Variants in GUSB observed in about 807,000 individuals in gnomAD.
The protein encoded by GUSB is beta-glucuronidase.
GUSB carries 51 observed loss-of-function variants against 74.6 expected under a neutral mutation model. That is an observed-to-expected ratio of 0.68 (90% CI 0.55 to 0.86). The LOEUF (loss-of-function observed/expected upper bound fraction) is 0.86, where lower values mean the gene tolerates loss of function less well. Among genes scored for constraint, GUSB ranks in the 40% least tolerant of loss-of-function variants. GUSB has a pLI of 0.00. For missense variants in GUSB, 736 were observed against 853.7 expected (o/e 0.86, Z 1.72); for synonymous variants, 360 against 348.3 (o/e 1.03, Z -0.37).
chr7:65,964,262 G>A lies in GUSB; in HGVS notation c.1789+61C>T, dbSNP rs529250251. On this transcript the variant is annotated intron_variant, in intron 11 of 11. Coordinates refer to ENST00000304895, the MANE Select transcript of GUSB (RefSeq NM_000181.4). ...CTTACAATTGAAATGGCCAGAATTG[G>A]AAAGGCAACCTGAAAAAATGAGGAC... The A allele has an allele frequency of 2.2e-4, 325 of 1,449,940 alleles. 1 individual carries two copies. The Middle Eastern group carries it at 4.6e-3, about 21-fold the overall frequency. The allele number at this position is 1,449,940 out of a possible 1,614,324, so 89.8% of individuals were successfully genotyped here.
At chr7:65,965,666 A>G (rs1056141258) in intron 10 of GUSB, among the ~76,000 whole-genome samples, 3 of 152,150 alleles carry the variant, frequency 2.0e-5, no homozygotes, top group Admixed American at 2.0e-4. Flanking sequence ...AGTGGCTTGG[A>G]CTACAAGCAC....
At chr7:65,970,428 C>CA in intron 8 of GUSB, 62 bp from the exon 9 acceptor site, 1 of 1,035,926 alleles carries the variant, frequency 9.7e-7, no homozygotes, top group Non-Finnish European at 1.5e-6. Context: ...GACACCCTCC[C>CA]ATCCTCTCTG....
At chr7:65,962,683 A>G (rs1434670021) in intron 11 of GUSB, among the ~76,000 whole-genome samples, 1 of 151,460 alleles carries the variant, frequency 6.6e-6, no homozygotes, top group Non-Finnish European at 1.5e-5. Flanking sequence ...GCCCAGCCTG[A>G]CCAACATGGA....
intron 8 of GUSB, among the ~76,000 whole-genome samples, chr7:65,971,732 C>T (rs1056256512): frequency 2.7e-5 from 4 of 148,064 alleles, no homozygotes; most frequent in Admixed American, 6.8e-5. Flanking sequence ...CTCCATCTTG[C>T]GGAAAAAAAA....
At position 65,964,474 on chromosome 7, in the gene GUSB, A is replaced by G. The variant is rs765052220; in HGVS notation, c.1654-16T>C. The G allele has an allele frequency of 6.2e-7, 1 of 1,608,694 alleles. No individual in the cohort carries two copies. The highest frequency in any genetic ancestry group is 1.1e-5 in the South Asian group (1 of 90,912). ...GAGGTGGATCCTAGGATTCAAGGCA[A>G]AGAGAATGTAAGAGTCAGAACTGGC... is the stretch of plus-strand genomic sequence containing the variant. On this transcript the variant is annotated splice_polypyrimidine_tract_variant and intron_variant, in intron 10 of 11. Coordinates refer to ENST00000304895, the MANE Select transcript of GUSB (RefSeq NM_000181.4).
intron 9 of GUSB, 108 bp from the exon 10 acceptor site, chr7:65,968,015 C>A (rs973434420): frequency 1.1e-6 from 1 of 919,418 alleles, no homozygotes; most frequent in African/African-American, 1.6e-5. Context: ...GATGTAATCC[C>A]AGCACTCTGG....
Position 65,980,341 on chromosome 7 carries a change from C to T in GUSB, c.279G>A (p.Arg93=), listed in dbSNP as rs2116042412. Residue 93 remains arginine, a synonymous_variant, in exon 2 of 12, where the codon CGG becomes CGA. Transcript: ENST00000304895. ...CGTACCACACCCAGCCGACAAAATG[C>T]CGCAGACGCCAGTCCTGGCTGATGT... ...FNDISQDWRL[R]HFVGWVWYER... 6.2e-7 allele frequency: 1 copy of T among 1,613,876 alleles called. No homozygotes were observed. Among genetic ancestry groups the T allele is most frequent in the Non-Finnish European group, 8.5e-7 (1 of 1,179,894 alleles).
chr7:65,968,857 G>A (rs900444500), intron 9 of GUSB, among the ~76,000 whole-genome samples: 17 of 152,170 alleles, frequency 1.1e-4, no homozygotes, highest in African/African-American at 4.1e-4. Flanking sequence ...AAAGTGCTGG[G>A]ATGATAGGTG....
In GUSB at chr7:65,979,899, C is replaced by T; in HGVS notation, c.409G>A (p.Val137Ile). Residue 137 changes from valine (V) to isoleucine (I), a missense_variant, in exon 3 of 12, where the codon GTC becomes ATC. Coordinates refer to ENST00000304895, the MANE Select transcript of GUSB (RefSeq NM_000181.4). ...CCCCCCTCATGCTCTAGCGTGTCGA[C>T]CCCATTCACCCACTGCAGACACAGG... The part of the protein sequence containing the change: ...HSYAIVWVNG[V>I]DTLEHEGGYL... The T allele has an allele frequency of 6.3e-7, 1 of 1,599,700 alleles. No individual in the cohort carries two copies. The highest frequency in any genetic ancestry group is 1.8e-5 in the Admixed American group (1 of 57,092).
Position 65,979,540 on chromosome 7 carries a change from A to G in GUSB, c.583T>C (p.Tyr195His), listed in dbSNP as rs372083359. 1.1e-5 allele frequency: 17 copies of G among 1,614,004 alleles called. No homozygotes were observed. Among genetic ancestry groups the G allele is most frequent in the African/African-American group, 2.7e-5 (2 of 74,926 alleles). ...TTCTGGACAAAGTAACCCTTGGGAT[A>G]CCTAGGATGGGAGGACTGTGGTTTG... Reference protein sequence around the residue: ...TIQYLTDTSKYPKGYFVQNTY... With the variant: ...TIQYLTDTSKHPKGYFVQNTY... Residue 195 changes from tyrosine (Y) to histidine (H), a missense_variant and splice_region_variant, in exon 4 of 12, where the codon TAT (tyrosine) becomes CAT (histidine). Tyr to His is a moderately conservative substitution (Grantham distance 83, BLOSUM62 2). Transcript: ENST00000304895.
chr7:65,977,805 T>C (rs1285323539), intron 4 of GUSB, among the ~76,000 whole-genome samples: 1 of 151,694 alleles, frequency 6.6e-6, no homozygotes, highest in East Asian at 1.9e-4. Flanking sequence ...AAGATATATA[T>C]ATATTTTTTT....
intron 9 of GUSB, among the ~76,000 whole-genome samples, chr7:65,969,833 G>A (rs1052401305): frequency 6.6e-6 from 1 of 152,202 alleles, no homozygotes; most frequent in African/African-American, 2.4e-5. Context: ...TGAACTCTAA[G>A]CTCCCTTAAA....
At chr7:65,966,504 G>T (rs879854422) in intron 10 of GUSB, among the ~76,000 whole-genome samples, 1 of 151,514 alleles carries the variant, frequency 6.6e-6, no homozygotes, top group Admixed American at 6.6e-5. Context: ...TTAAAAAAAT[G>T]ACGACAGGCT....
At chr7:65,973,010 C>T (rs1206784195) in intron 8 of GUSB, among the ~76,000 whole-genome samples, 2 of 152,170 alleles carry the variant, frequency 1.3e-5, no homozygotes, top group South Asian at 2.1e-4. Flanking sequence ...CAACTCTGAA[C>T]GCTGAGTTAG....
intron 10 of GUSB, among the ~76,000 whole-genome samples, chr7:65,966,348 G>A (rs1790834277): frequency 6.6e-6 from 1 of 152,090 alleles, no homozygotes; most frequent in South Asian, 2.1e-4. Flanking sequence ...TTCCCTGTGT[G>A]TCAACCAGGA....
intron 8 of GUSB, among the ~76,000 whole-genome samples, chr7:65,971,785 G>T (rs1328118917): frequency 1.3e-5 from 2 of 151,004 alleles, no homozygotes; most frequent in African/African-American, 4.9e-5. Flanking sequence ...ACACACCTGT[G>T]GCCCCAGCTA....
Position 65,976,145 on chromosome 7 carries a change from C to G in GUSB, c.782G>C (p.Arg261Pro). 1 of 1,613,652 alleles carries G rather than the reference C, an allele frequency of 6.2e-7. No individual in the cohort carries two copies. The highest frequency in any genetic ancestry group is 8.5e-7 in the Non-Finnish European group (1 of 1,179,762). ...GACTTTGTTTTCTGCATCCAAAAGA[C>G]GCACTTCCAACTTGAACAGGTTACT... is the stretch of plus-strand genomic sequence containing the variant. ...KGSNLFKLEV[R>P]LLDAENKVVA... Residue 261 changes from arginine to proline, a missense_variant, in exon 5 of 12, where the codon CGT (arginine) becomes CCT (proline). Arg to Pro is a moderately radical substitution (Grantham distance 103). Coordinates refer to ENST00000304895, the MANE Select transcript of GUSB (RefSeq NM_000181.4).
chr7:65,968,063 G>C (rs1790952159), intron 9 of GUSB, among the ~76,000 whole-genome samples, 156 bp from the exon 10 acceptor site: 1 of 152,006 alleles, frequency 6.6e-6, no homozygotes, highest in Non-Finnish European at 1.5e-5. Context: ...ACCAGCCTGG[G>C]CAACACAGCA....
intron 8 of GUSB, among the ~76,000 whole-genome samples, chr7:65,973,543 C>T (rs1474473113): frequency 1.3e-5 from 2 of 151,786 alleles, no homozygotes; most frequent in East Asian, 3.9e-4. Flanking sequence ...GACGAGATTG[C>T]GCCACTGCAC....
Sources: gnomAD v4.1 joint callset for allele counts (sites outside exome capture counted in the v4.1 genomes callset) on GRCh38, gnomAD v4.1.1 for gene constraint, MANE v1.5 for transcripts, NCBI Gene and HGNC (gene_info 2026-07-23, HGNC 2026-07-21) for gene names.